The following CRISP2 variants were observed in gnomAD, a reference collection of about 807,000 sequenced individuals.
CRISP2 encodes cysteine rich secretory protein 2.
A neutral mutation model predicts 31.7 loss-of-function variants in CRISP2; 29 were observed. The ratio of observed to expected loss-of-function variants is 0.92; its 90% CI spans 0.68 to 1.25. The LOEUF is 1.25. Ranked by LOEUF, CRISP2 falls within the 50% of genes most tolerant of loss-of-function variation. CRISP2 has a pLI of 0.00. For missense variants in CRISP2, 318 were observed against 286.5 expected (o/e 1.11, Z -0.79); for synonymous variants, 111 against 101.4 (o/e 1.09, Z -0.57).
rs905796620 is a variant in CRISP2, at chr6:49,711,270, T to G, written c.-10+15A>C. 4 of 152,228 alleles carry G rather than the reference T, an allele frequency of 2.6e-5. No homozygotes were observed. The highest frequency in any genetic ancestry group is 5.9e-5 in the Non-Finnish European group (4 of 68,046). The allele number at this position is 152,228 out of a possible 1,614,324, so 9.4% of individuals were successfully genotyped here. ...GATAAAATATTCACATTAAAATCAA[T>G]GATTTAACACTTACTGTTGGTTTTC... On this transcript the variant is annotated intron_variant, in intron 3 of 9. Transcript: ENST00000339139.
Position 49,713,537 on chromosome 6 carries a change from G to T in CRISP2, c.-213C>A, listed in dbSNP as rs1261488125. 1 of 152,242 alleles carries T rather than the reference G, an allele frequency of 6.6e-6. No homozygotes were observed. The allele number at this position is 152,242 out of a possible 1,614,324, so 9.4% of individuals were successfully genotyped here. A position where few individuals can be genotyped will look rare whatever the true frequency, so the allele number is the denominator to read the frequency against. ...TGGGCCGGCGCGTTGCGGCGTTGAG[G>T]AGCTGCGGCGCGCCCCTCTCACCGC... On this transcript the variant is annotated 5_prime_UTR_variant, in exon 1 of 10. Transcript: ENST00000339139.
rs1561873444 is a variant in CRISP2 at position 49,700,718 on chromosome 6, T to G, written c.133A>C (p.Asn45His). ...GGAGAGACTGCTTTCCTTAGTTCAT[T>G]GTGTTTATTTACAATCTCCCTTTGC... ...QVQREIVNKH[N>H]ELRKAVSPPA... Residue 45 changes from asparagine (N) to histidine (H), a missense_variant, in exon 5 of 10, where the codon AAT (asparagine) becomes CAT (histidine). Physicochemically the swap from Asn to His is moderately conservative, Grantham distance 68. Coordinates refer to ENST00000339139, the MANE Select transcript of CRISP2 (RefSeq NM_003296.4). 1.2e-6 allele frequency: 2 copies of G among 1,612,910 alleles called. No individual in the cohort carries two copies. The highest frequency in any genetic ancestry group is 8.5e-7 in the Non-Finnish European group (1 of 1,179,242).
chr6:49,710,254 C>T (rs549607716), intron 3 of CRISP2, among the ~76,000 whole-genome samples: 24 of 152,244 alleles, frequency 1.6e-4, no homozygotes, highest in Middle Eastern at 3.4e-3. Context: ...CAATTATTGA[C>T]GGTTCATGGA....
intron 8 of CRISP2, 65 bp from the exon 9 acceptor site, chr6:49,695,989 G>T: frequency 1.0e-6 from 1 of 991,700 alleles, no homozygotes; most frequent in Non-Finnish European, 1.5e-6. Flanking sequence ...GGCAGTATCA[G>T]TCATCAAATA....
At chr6:49,679,677 T>C in the CRISP2 span, among the ~76,000 whole-genome samples, 1 of 109,358 alleles carries the variant, frequency 9.1e-6, no homozygotes, top group Non-Finnish European at 1.8e-5. Context: ...CAGTTTCTGA[T>C]TCAGTGTTGT....
intron 8 of CRISP2, 92 bp from the exon 9 acceptor site, chr6:49,696,016 C>A: frequency 1.4e-6 from 1 of 722,812 alleles, no homozygotes; most frequent in Non-Finnish European, 2.2e-6. Context: ...AATAGTTATT[C>A]AGGGTTTTTA....
downstream of CRISP2, among the ~76,000 whole-genome samples, chr6:49,690,086 T>A (rs530887204): frequency 5.7e-4 from 87 of 152,282 alleles, no homozygotes; most frequent in African/African-American, 2.1e-3. Flanking sequence ...AAATTCATAT[T>A]GTTTGCTTAT....
intron 8 of CRISP2, 110 bp downstream of exon 8, chr6:49,697,750 C>T (rs769826904): frequency 1.3e-6 from 2 of 1,582,522 alleles, no homozygotes; most frequent in African/African-American, 2.7e-5. Flanking sequence ...AAACGTTTAT[C>T]CCCTCCCTTT....
At chr6:49,697,811 T>G (rs377112206) in intron 8 of CRISP2, 49 bp downstream of exon 8, 2 of 1,605,370 alleles carry the variant, frequency 1.2e-6, no homozygotes, top group African/African-American at 2.7e-5. Context: ...TATTAAAAAA[T>G]AAATTGCAGA....
the CRISP2 span, among the ~76,000 whole-genome samples, chr6:49,685,387 A>T: frequency 6.6e-6 from 1 of 152,314 alleles, no homozygotes; most frequent in Admixed American, 6.5e-5. Flanking sequence ...TCAACTGATG[A>T]AGGCAGGGAC....
At chr6:49,682,939 A>C in the CRISP2 span, among the ~76,000 whole-genome samples, 1 of 151,648 alleles carries the variant, frequency 6.6e-6, no homozygotes, top group African/African-American at 2.4e-5. Flanking sequence ...AGGGGGGATC[A>C]CCTGAGGTCA....
chr6:49,677,570 A>T, the CRISP2 span, among the ~76,000 whole-genome samples: 1,312 of 152,226 alleles, frequency 8.6e-3, 21 homozygotes, highest in African/African-American at 0.029. Flanking sequence ...TACATTAAGG[A>T]TTTCTTTGGC....
chr6:49,698,255 C>G lies in CRISP2; in HGVS notation c.417+107G>C, dbSNP rs1208516078. 5 of 1,281,574 alleles carry G rather than the reference C, an allele frequency of 3.9e-6. No individual in the cohort carries two copies. In the African/African-American group the frequency reaches 7.6e-5, roughly 19 times the overall value. 79.4% of individuals were successfully genotyped at this position (1,281,574 alleles called of 1,614,324 possible). On this transcript the variant is annotated intron_variant, in intron 7 of 9. Transcript: ENST00000339139. Reference sequence around the variant, plus strand: ...GCCAAATGCCAAGACTGTATTCTACCCACTCGGACTGTTCTCCTAAATTGA... The same window carrying G: ...GCCAAATGCCAAGACTGTATTCTACGCACTCGGACTGTTCTCCTAAATTGA...
downstream of CRISP2, among the ~76,000 whole-genome samples, chr6:49,690,635 C>T (rs635895): frequency 0.59 from 89,127 of 151,866 alleles, 26,691 homozygotes; most frequent in East Asian, 0.8. Flanking sequence ...GGAAAAGATT[C>T]AGCAAAATCT....
chr6:49,706,428 A>G (rs1343072044), intron 4 of CRISP2, among the ~76,000 whole-genome samples: 4 of 152,234 alleles, frequency 2.6e-5, no homozygotes, highest in Admixed American at 2.6e-4. Flanking sequence ...TAATGAATGG[A>G]CTATTGCTGA....
chr6:49,684,355 G>T, the CRISP2 span, among the ~76,000 whole-genome samples: 2 of 151,962 alleles, frequency 1.3e-5, no homozygotes, highest in African/African-American at 2.4e-5. Context: ...TATTTTTTAG[G>T]GAATAATGAC....
chr6:49,714,029 C>T (rs1217585874), upstream of CRISP2, among the ~76,000 whole-genome samples: 1 of 152,126 alleles, frequency 6.6e-6, no homozygotes, highest in Admixed American at 6.5e-5. Flanking sequence ...CCCTCTTCCC[C>T]GTTGGCAACA....
chr6:49,700,658 T>C lies in CRISP2; in HGVS notation c.183+10A>G, dbSNP rs766761780. 29 of 1,546,344 alleles carry C rather than the reference T, an allele frequency of 1.9e-5. 1 individual carries two copies. The South Asian group carries it at 2.6e-4, about 14-fold the overall frequency. On this transcript the variant is annotated intron_variant, in intron 5 of 9. Coordinates refer to ENST00000339139, the MANE Select transcript of CRISP2 (RefSeq NM_003296.4). ...ATTCACACCCATCTCCTTACAGCAC[T>C]GCCTCTTACCATCTTTAGCATGTTA...
At chr6:49,678,147 G>A in the CRISP2 span, among the ~76,000 whole-genome samples, 7 of 152,082 alleles carry the variant, frequency 4.6e-5, no homozygotes, top group African/African-American at 1.7e-4. Flanking sequence ...ATCTAAAATA[G>A]AATACTAGAA....
Sources: gnomAD v4.1 joint callset for allele counts (sites outside exome capture counted in the v4.1 genomes callset) on GRCh38, gnomAD v4.1.1 for gene constraint, MANE v1.5 for transcripts, NCBI Gene and HGNC (gene_info 2026-07-23, HGNC 2026-07-21) for gene names.